The following AGMO variants were observed in gnomAD, a reference collection of about 807,000 sequenced individuals.
AGMO encodes the protein glyceryl-ether monooxygenase.
AGMO carries 75 observed loss-of-function variants against 60.2 expected under a neutral mutation model. The ratio of observed to expected loss-of-function variants is 1.25; its 90% confidence interval spans 1.03 to 1.51. AGMO has a LOEUF of 1.51. Among genes scored for constraint, AGMO ranks in the 40% most tolerant of loss-of-function variants. The probability of loss-of-function intolerance (pLI) is 0.00; values close to 1 mark genes in which losing one functional copy is unlikely to be tolerated. For missense variants in AGMO, 763 were observed against 525.5 expected (o/e 1.45, Z -4.42); for synonymous variants, 261 against 177.1 (o/e 1.47, Z -3.76).
At chr7:15,496,666 G>T (rs924668844) in intron 3 of AGMO, among the ~76,000 whole-genome samples, 2 of 152,058 alleles carry the variant, frequency 1.3e-5, no homozygotes, top group Non-Finnish European at 1.5e-5. Context: ...CTAGCGAGTG[G>T]GTGGTTATGT....
At chr7:15,172,987 G>A in the AGMO span, among the ~76,000 whole-genome samples, 1 of 151,930 alleles carries the variant, frequency 6.6e-6, no homozygotes. Context: ...CAAATAACTA[G>A]GTCTCATTAC....
chr7:15,294,308 C>T (rs1367302117), intron 12 of AGMO, among the ~76,000 whole-genome samples: 1 of 151,680 alleles, frequency 6.6e-6, no homozygotes, highest in Non-Finnish European at 1.5e-5. Context: ...AAATTGAAAG[C>T]AATACAGATA....
At chr7:15,458,419 G>T (rs1464983700) in intron 3 of AGMO, among the ~76,000 whole-genome samples, 1 of 152,160 alleles carries the variant, frequency 6.6e-6, no homozygotes, top group African/African-American at 2.4e-5. Flanking sequence ...TGGGAGTGGT[G>T]TGACTTGCTT....
At chr7:15,400,366 A>T (rs1412995574) in intron 5 of AGMO, among the ~76,000 whole-genome samples, 1 of 152,162 alleles carries the variant, frequency 6.6e-6, no homozygotes, top group African/African-American at 2.4e-5. Flanking sequence ...TGGTGGGTTT[A>T]GTGCTGTTAA....
At chr7:15,301,355 C>T (rs924266086) in intron 12 of AGMO, among the ~76,000 whole-genome samples, 3 of 151,996 alleles carry the variant, frequency 2.0e-5, no homozygotes, top group Non-Finnish European at 4.4e-5. Context: ...AGAAGAATCA[C>T]GTGAACCCAG....
At position 15,450,041 on chromosome 7, in the gene AGMO, CA is replaced by C. The variant is rs1234806552; in HGVS notation, c.410-18934del. Reference sequence around the variant, plus strand: ...TTTTTTCCAATTTAATTTACATAATCATGCAACTTGGTTATTTAAAACCCTT... The same window carrying C: ...TTTTTTCCAATTTAATTTACATAATCTGCAACTTGGTTATTTAAAACCCTT... On this transcript the variant is annotated intron_variant, in intron 3 of 12. Coordinates refer to ENST00000342526, the MANE Select transcript of AGMO (RefSeq NM_001004320.2). 7.6e-4 allele frequency among the ~76,000 whole-genome samples: 116 copies of C among 152,240 alleles called. 1 individual carries two copies. The highest frequency in any genetic ancestry group is 2.7e-3 in the African/African-American group (114 of 41,544).
At chr7:15,455,661 T>C (rs1562516525) in intron 3 of AGMO, among the ~76,000 whole-genome samples, 1 of 152,160 alleles carries the variant, frequency 6.6e-6, no homozygotes, top group Non-Finnish European at 1.5e-5. Context: ...GCTTGATTGA[T>C]AGTTTATTTA....
At chr7:15,124,918 T>A in the AGMO span, among the ~76,000 whole-genome samples, 24 of 152,122 alleles carry the variant, frequency 1.6e-4, 1 homozygote, top group East Asian at 4.1e-3. Flanking sequence ...TAGAACATAG[T>A]CTAATGGCTG....
chr7:15,190,975 G>C, the AGMO span, among the ~76,000 whole-genome samples: 2 of 151,938 alleles, frequency 1.3e-5, no homozygotes, highest in African/African-American at 4.8e-5. Flanking sequence ...TGGCATGAGA[G>C]TCTAAACACA....
intron 12 of AGMO, among the ~76,000 whole-genome samples, chr7:15,286,333 A>C (rs996122127): frequency 6.6e-6 from 1 of 152,114 alleles, no homozygotes; most frequent in Admixed American, 6.6e-5. Context: ...CTGACAAAGA[A>C]CTAATATTCA....
intron 12 of AGMO, among the ~76,000 whole-genome samples, chr7:15,355,362 G>C (rs1164716462): frequency 6.6e-6 from 1 of 151,874 alleles, no homozygotes; most frequent in East Asian, 1.9e-4. Context: ...AATTAGCCAA[G>C]CATGGTGGCG....
At chr7:15,304,996 G>A (rs930570474) in intron 12 of AGMO, among the ~76,000 whole-genome samples, 1 of 151,966 alleles carries the variant, frequency 6.6e-6, no homozygotes, top group Admixed American at 6.6e-5. Context: ...AAAGCAGGAT[G>A]AGCTAGTTGA....
rs562455824 is a variant in AGMO at position 15,316,929 on chromosome 7, G to C, written c.1263+48585C>G. On this transcript the variant is annotated intron_variant, in intron 12 of 12. Coordinates refer to ENST00000342526, the MANE Select transcript of AGMO (RefSeq NM_001004320.2). ...GATTTCATGGTAATCAAATCAAACT[G>C]TCTTCACAGAAAGAGAATATTCAGC... Among the ~76,000 whole-genome samples the C allele has an allele frequency of 2.1e-4, 32 of 152,240 alleles. No individual in the cohort carries two copies. In the South Asian group the frequency reaches 6.6e-3, roughly 32 times the overall value.
chr7:15,330,517 T>G (rs1185618908), intron 12 of AGMO, among the ~76,000 whole-genome samples: 1 of 152,128 alleles, frequency 6.6e-6, no homozygotes, highest in Non-Finnish European at 1.5e-5. Context: ...ATTTTTGGAT[T>G]TGTGTTACTA....
chr7:15,406,491 T>A (rs1308374224), intron 5 of AGMO, among the ~76,000 whole-genome samples: 2 of 123,880 alleles, frequency 1.6e-5, no homozygotes, highest in South Asian at 2.7e-4. Flanking sequence ...GTATATGTGA[T>A]CCTAAAATTG....
At chr7:15,368,680 G>C (rs377153863) in intron 10 of AGMO, among the ~76,000 whole-genome samples, 1 of 152,204 alleles carries the variant, frequency 6.6e-6, no homozygotes, top group East Asian at 1.9e-4. Context: ...ATGTTCAGGA[G>C]CTTAGGCTAA....
At chr7:15,495,931 T>G (rs1783218369) in intron 3 of AGMO, among the ~76,000 whole-genome samples, 2 of 151,774 alleles carry the variant, frequency 1.3e-5, no homozygotes. Flanking sequence ...GGGCACAAAA[T>G]TCATTGTGAG....
At chr7:15,209,233 T>C (rs1781515391) in intron 12 of AGMO, among the ~76,000 whole-genome samples, 1 of 152,178 alleles carries the variant, frequency 6.6e-6, no homozygotes, top group Non-Finnish European at 1.5e-5. Context: ...ATAACAGTTT[T>C]CAATACTTGA....
At chr7:15,415,095 T>G (rs538440423) in intron 5 of AGMO, among the ~76,000 whole-genome samples, 1 of 152,214 alleles carries the variant, frequency 6.6e-6, no homozygotes, top group African/African-American at 2.4e-5. Flanking sequence ...TCTTAGAGAA[T>G]ATTTAAAAAA....
Sources: gnomAD v4.1 joint callset for allele counts (sites outside exome capture counted in the v4.1 genomes callset) on GRCh38, gnomAD v4.1.1 for gene constraint, MANE v1.5 for transcripts, NCBI Gene and HGNC (gene_info 2026-07-23, HGNC 2026-07-21) for gene names.